The following ALCAM variants were observed in gnomAD, a reference collection of about 807,000 sequenced individuals.
ALCAM encodes the protein activated leukocyte cell adhesion molecule.
Under a neutral mutation model 70.9 loss-of-function variants are expected in ALCAM, and 30 were observed. The observed-to-expected ratio is 0.42, with a 90% CI of 0.32 to 0.57. The LOEUF (loss-of-function observed/expected upper bound fraction) is 0.57. ALCAM is among the 20% of genes least tolerant of loss of function. ALCAM has a pLI of 0.11. For synonymous variants in ALCAM, 249 were observed against 242.5 expected (o/e 1.03, Z -0.25); for missense variants, 591 against 695.1 (o/e 0.85, Z 1.68).
chr3:105,499,134 A>G (rs73006127), intron 1 of ALCAM, among the ~76,000 whole-genome samples: 179 of 152,294 alleles, frequency 1.2e-3, no homozygotes, highest in African/African-American at 4.1e-3. Flanking sequence ...GTACCTACTA[A>G]AGAGAAATAA....
At chr3:105,415,570 C>T (rs1026906483) in intron 1 of ALCAM, among the ~76,000 whole-genome samples, 1 of 152,076 alleles carries the variant, frequency 6.6e-6, no homozygotes, top group African/African-American at 2.4e-5. Context: ...CTTCTGGAAA[C>T]CATAACAATG....
intron 1 of ALCAM, among the ~76,000 whole-genome samples, chr3:105,481,743 CT>C (rs1938276748): frequency 6.6e-6 from 1 of 151,872 alleles, no homozygotes; most frequent in Non-Finnish European, 1.5e-5. Flanking sequence ...CAGAGGTTTT[CT>C]TTTTTGGAGG....
At chr3:105,498,148 C>T (rs774128366) in intron 1 of ALCAM, among the ~76,000 whole-genome samples, 1 of 152,002 alleles carries the variant, frequency 6.6e-6, no homozygotes, top group African/African-American at 2.4e-5. Flanking sequence ...GTGTGATTGT[C>T]CCTGCTTTAC....
chr3:105,426,044 T>C (rs958212132), intron 1 of ALCAM, among the ~76,000 whole-genome samples: 11 of 151,844 alleles, frequency 7.2e-5, no homozygotes, highest in Non-Finnish European at 1.5e-4. Context: ...GCTTTATTTT[T>C]CCCATTTTGT....
intron 1 of ALCAM, among the ~76,000 whole-genome samples, chr3:105,495,950 G>A (rs1439364346): frequency 1.3e-5 from 2 of 152,162 alleles, no homozygotes; most frequent in African/African-American, 4.8e-5. Context: ...AGCCCAAATA[G>A]TTCCATTCAC....
At chr3:105,507,251 T>C (rs895700986) in intron 1 of ALCAM, among the ~76,000 whole-genome samples, 2 of 152,096 alleles carry the variant, frequency 1.3e-5, no homozygotes, top group African/African-American at 4.8e-5. Flanking sequence ...TTTGTTGCAA[T>C]TGGTGAGCCG....
At chr3:105,486,983 G>T (rs200926594) in intron 1 of ALCAM, among the ~76,000 whole-genome samples, 2 of 46,558 alleles carry the variant, frequency 4.3e-5, no homozygotes, top group South Asian at 7.7e-4. Context: ...TATTTATTTA[G>T]ACGCTTTGCT....
intron 1 of ALCAM, among the ~76,000 whole-genome samples, chr3:105,385,778 A>G (rs1156440562): frequency 6.6e-6 from 1 of 151,658 alleles, no homozygotes; most frequent in African/African-American, 2.4e-5. Flanking sequence ...TCTGAATTGT[A>G]TTTGTCTGCT....
At chr3:105,479,785 A>G (rs1426457935) in intron 1 of ALCAM, among the ~76,000 whole-genome samples, 1 of 152,092 alleles carries the variant, frequency 6.6e-6, no homozygotes, top group East Asian at 1.9e-4. Flanking sequence ...ATTTTGAATT[A>G]AATAGCCATT....
intron 1 of ALCAM, among the ~76,000 whole-genome samples, chr3:105,429,413 C>A (rs1419734899): frequency 1.3e-5 from 2 of 151,964 alleles, no homozygotes; most frequent in East Asian, 3.9e-4. Context: ...GGCATATGAA[C>A]TAGCTTGAAC....
intron 1 of ALCAM, among the ~76,000 whole-genome samples, chr3:105,518,500 C>A (rs1939440258): frequency 2.0e-5 from 3 of 152,010 alleles, no homozygotes; most frequent in Admixed American, 6.6e-5. Context: ...AAAGCAATTT[C>A]CTAAATGTTA....
At chr3:105,567,846 T>C (rs1020191942) in intron 14 of ALCAM, among the ~76,000 whole-genome samples, 23 of 152,068 alleles carry the variant, frequency 1.5e-4, no homozygotes, top group Admixed American at 1.4e-3. Context: ...TACTATATAA[T>C]GGATTTTGTG....
chr3:105,512,424 AT>A (rs1182697326), intron 1 of ALCAM, among the ~76,000 whole-genome samples: 1 of 151,908 alleles, frequency 6.6e-6, no homozygotes, highest in Non-Finnish European at 1.5e-5. Flanking sequence ...CATAATTTCA[AT>A]ACAACTTATG....
intron 1 of ALCAM, among the ~76,000 whole-genome samples, chr3:105,496,802 T>G (rs1938751890): frequency 6.6e-6 from 1 of 151,180 alleles, no homozygotes; most frequent in South Asian, 2.1e-4. Context: ...ATTGGTGCAG[T>G]TAGATATTCT....
At chr3:105,426,178 G>A (rs1936786128) in intron 1 of ALCAM, among the ~76,000 whole-genome samples, 1 of 151,770 alleles carries the variant, frequency 6.6e-6, no homozygotes, top group Non-Finnish European at 1.5e-5. Flanking sequence ...AGTCATCTAA[G>A]CTCTCTGGGC....
chr3:105,381,701 T>C (rs1576122360), intron 1 of ALCAM, among the ~76,000 whole-genome samples: 2 of 151,966 alleles, frequency 1.3e-5, no homozygotes, highest in South Asian at 4.1e-4. Context: ...CAAGTGACTG[T>C]GCTCGAAAGA....
At chr3:105,420,451 T>C (rs1464376510) in intron 1 of ALCAM, among the ~76,000 whole-genome samples, 1 of 151,762 alleles carries the variant, frequency 6.6e-6, no homozygotes, top group Non-Finnish European at 1.5e-5. Context: ...GAAGAAATGC[T>C]GCATCTAAAC....
intron 1 of ALCAM, among the ~76,000 whole-genome samples, chr3:105,430,659 T>C (rs1222460129): frequency 6.6e-6 from 1 of 152,064 alleles, no homozygotes; most frequent in Non-Finnish European, 1.5e-5. Flanking sequence ...GCTTCTTCCC[T>C]TTTTTCATTT....
chr3:105,504,296 G>C (rs766937774), intron 1 of ALCAM, among the ~76,000 whole-genome samples: 1 of 152,198 alleles, frequency 6.6e-6, no homozygotes, highest in Non-Finnish European at 1.5e-5. Context: ...TCTATAGGCG[G>C]CTTGTGTTAA....
Sources: gnomAD v4.1 joint callset for allele counts (sites outside exome capture counted in the v4.1 genomes callset) on GRCh38, gnomAD v4.1.1 for gene constraint, MANE v1.5 for transcripts, NCBI Gene and HGNC (gene_info 2026-07-23, HGNC 2026-07-21) for gene names.